The following PARVB variants were observed in gnomAD, a reference collection of about 807,000 sequenced individuals.
PARVB encodes the protein parvin beta, also known as beta-parvin.
In PARVB, 46 loss-of-function variants were observed where a neutral mutation model predicts 47.0. That is an observed-to-expected ratio of 0.98 (90% CI 0.77 to 1.25). The LOEUF (loss-of-function observed/expected upper bound fraction) is 1.25, where lower values mean the gene tolerates loss of function less well. PARVB is among the 50% of genes most tolerant of loss of function. The probability of loss-of-function intolerance (pLI) is 0.00; values close to 1 mark genes in which losing one functional copy is unlikely to be tolerated. For missense variants in PARVB, 473 were observed against 471.6 expected, an observed-to-expected ratio of 1.00 and a Z score of -0.03; for synonymous variants, 196 against 196.3, an observed-to-expected ratio of 1.00 and a Z score of 0.01.
intron 11 of PARVB, 48 bp downstream of exon 11, chr22:44,158,131 T>C: frequency 7.9e-7 from 1 of 1,268,042 alleles, no homozygotes; most frequent in Non-Finnish European, 1.2e-6. Context: ...AAATGCTCAT[T>C]GAAATGCAGA....
chr22:44,167,321 T>C (rs1390514862), intron 12 of PARVB, among the ~76,000 whole-genome samples: 1 of 152,186 alleles, frequency 6.6e-6, no homozygotes, highest in Non-Finnish European at 1.5e-5. Flanking sequence ...AGGTGATTCC[T>C]ATCCCTGGGC....
chr22:44,147,912 T>C lies in PARVB; in HGVS notation c.764T>C (p.Val255Ala), dbSNP rs1228857127. The C allele has an allele frequency of 6.2e-7, 1 of 1,613,766 alleles. No homozygotes were observed. The highest frequency in any genetic ancestry group is 8.5e-7 in the Non-Finnish European group (1 of 1,179,890). The change falls in exon 9 of 13, where the codon GTG becomes GCG. Residue 255 changes from valine (V) to alanine (A), a missense_variant. Coordinates refer to ENST00000338758, the MANE Select transcript of PARVB (RefSeq NM_013327.5). ...GACCACGCCCCGGATAAGCTCAGCG[T>C]GGTGAAGAAGGTGAGCTATTGGTGG... ...LFDHAPDKLS[V>A]VKKSLITFVN...
chr22:44,024,420 C>T lies in PARVB; in HGVS notation c.81C>T (p.Gly27=). 1 of 1,242,544 alleles carries T rather than the reference C, an allele frequency of 8.0e-7. No individual in the cohort carries two copies. The highest frequency in any genetic ancestry group is 1.0e-6 in the Non-Finnish European group (1 of 980,996). The allele number at this position is 1,242,544 out of a possible 1,614,324, so 77.0% of individuals were successfully genotyped here. A position where few individuals can be genotyped will look rare whatever the true frequency, so the allele number is the denominator to read the frequency against. The part of the protein sequence containing the change: ...KDESFLGKLG[G]TLARKRRARE... ...AGTCGTTCCTGGGCAAGCTGGGCGG[C>T]ACCCTGGCCAGGAAGCGGAGGGCGC... The change falls in exon 1 of 13, where the codon GGC becomes GGT. Residue 27 remains glycine (G), a synonymous_variant. Transcript: ENST00000338758.
At chr22:44,069,773 C>G (rs985120654) in intron 1 of PARVB, among the ~76,000 whole-genome samples, 1 of 152,168 alleles carries the variant, frequency 6.6e-6, no homozygotes, top group Non-Finnish European at 1.5e-5. Flanking sequence ...AGGTGATCCA[C>G]CCACCTCGGC....
Position 44,053,910 on chromosome 22 carries a change from C to A in PARVB, c.112+29459C>A, listed in dbSNP as rs75578751. 8.1e-3 allele frequency among the ~76,000 whole-genome samples: 1,223 copies of A among 150,658 alleles called. 16 individuals carry two copies. Among genetic ancestry groups the A allele is most frequent in the African/African-American group, 0.028 (1,160 of 40,928 alleles). Reference sequence around the variant, plus strand: ...GCCCTCTCTGGGCGTGCCACTTTGCCAAAACCAAGCATCCAGTCTCTGGAA... The same window carrying A: ...GCCCTCTCTGGGCGTGCCACTTTGCAAAAACCAAGCATCCAGTCTCTGGAA... On this transcript the variant is annotated intron_variant, in intron 1 of 12. Transcript: ENST00000338758.
chr22:44,131,870 GA>G (rs2053333266), intron 5 of PARVB, among the ~76,000 whole-genome samples: 1 of 152,202 alleles, frequency 6.6e-6, no homozygotes, highest in Non-Finnish European at 1.5e-5. Context: ...CCATGCTGCA[GA>G]GGAGAGAGGC....
rs763992931 is a variant in PARVB at position 44,132,935 on chromosome 22, G to A, written c.559G>A (p.Val187Ile). Reference protein sequence around the residue: ...KNLVAILHLLVSLAMHFRAPI... With the variant: ...KNLVAILHLLISLAMHFRAPI... ...CCTGGTGGCCATCCTCCACCTGCTG[G>A]TCTCTCTGGCCATGCACTTCAGGGC... The change falls in exon 6 of 13, where the codon GTC becomes ATC. Residue 187 changes from valine (V) to isoleucine (I), a missense_variant. By Grantham distance (29) the Val-to-Ile change is conservative. Transcript: ENST00000338758. 21 of 1,613,998 alleles carry A rather than the reference G, an allele frequency of 1.3e-5. No homozygotes were observed. Among genetic ancestry groups the A allele is most frequent in the Admixed American group, 3.3e-5 (2 of 60,006 alleles).
intron 9 of PARVB, chr22:44,151,162 C>T: frequency 4.0e-6 from 1 of 251,028 alleles, no homozygotes; most frequent in Admixed American, 4.8e-5. Context: ...ATGATCCTCC[C>T]CTGGCAGTTT....
At chr22:44,147,286 G>A (rs191324711) in intron 8 of PARVB, 5 of 218,902 alleles carry the variant, frequency 2.3e-5, no homozygotes, top group African/African-American at 6.7e-5. Flanking sequence ...GCAGTTGGAG[G>A]GTTTTAGTTG....
chr22:44,094,008 A>G lies in PARVB; in HGVS notation c.193A>G (p.Thr65Ala). The G allele has an allele frequency of 6.2e-7, 1 of 1,604,290 alleles. No individual in the cohort carries two copies. Among genetic ancestry groups the G allele is most frequent in the Non-Finnish European group, 8.5e-7 (1 of 1,171,356 alleles). Reference protein sequence around the residue: ...PALVDVHPEDTQLEENEERTM... With the variant: ...PALVDVHPEDAQLEENEERTM... ...CCTGGTGGATGTTCACCCTGAAGAC[A>G]CCCAGCTTGGTACGGGGGTTCCTCC... Residue 65 changes from threonine (T) to alanine (A), a missense_variant, in exon 2 of 13, where the codon ACC becomes GCC. Thr to Ala is a moderately conservative substitution (Grantham distance 58). Coordinates refer to ENST00000338758, the MANE Select transcript of PARVB (RefSeq NM_013327.5).
At chr22:44,081,509 TACATTGGGACGTTACCAGTC>T in intron 1 of PARVB, 1 of 605,454 alleles carries the variant, frequency 1.7e-6, no homozygotes. Context: ...CTTCCCTGGA[TACATTGGGACGTTACCAGTC>T]ACATTAATTA....
At chr22:44,058,097 T>C (rs1244153004) in intron 1 of PARVB, among the ~76,000 whole-genome samples, 1 of 152,000 alleles carries the variant, frequency 6.6e-6, no homozygotes, top group Admixed American at 6.6e-5. Flanking sequence ...ATTGAGATAA[T>C]ACAAAATCTG....
intron 3 of PARVB, chr22:44,105,937 T>G (rs996085580): frequency 6.6e-6 from 1 of 152,310 alleles, no homozygotes; most frequent in Admixed American, 6.5e-5. Context: ...CAAGTGAGTC[T>G]CCTGCCTCAG....
At chr22:44,112,127 G>A (rs1442987177) in intron 3 of PARVB, 1 of 152,228 alleles carries the variant, frequency 6.6e-6, no homozygotes, top group East Asian at 1.9e-4. Context: ...GAATTTAAAT[G>A]ACATGCTTTG....
chr22:44,022,619 A>C (rs932022704), upstream of PARVB, among the ~76,000 whole-genome samples: 2 of 151,326 alleles, frequency 1.3e-5, no homozygotes, highest in African/African-American at 2.4e-5. Flanking sequence ...AGACAGAAAA[A>C]CCATCTCAAC....
At chr22:44,016,263 A>AT (rs1357871238) in intron 2 of PARVB, among the ~76,000 whole-genome samples, 3 of 151,568 alleles carry the variant, frequency 2.0e-5, no homozygotes, top group Admixed American at 6.6e-5. Context: ...GGCCCAGCTA[A>AT]TTTTTTGTAT....
intron 1 of PARVB, among the ~76,000 whole-genome samples, chr22:44,065,576 C>T (rs1311496686): frequency 2.6e-5 from 4 of 152,092 alleles, no homozygotes; most frequent in African/African-American, 7.2e-5. Flanking sequence ...ACCCATCACC[C>T]GAGCAGTGTA....
At chr22:44,104,390 A>G (rs533019469) in intron 3 of PARVB, 1 of 152,434 alleles carries the variant, frequency 6.6e-6, no homozygotes, top group South Asian at 2.1e-4. Context: ...TAGTTACTGT[A>G]GTGGTGGCAC....
In PARVB at chr22:44,068,683, C is replaced by T. The variant is rs1027610992; in HGVS notation, c.113-25245C>T. Among the ~76,000 whole-genome samples the T allele has an allele frequency of 2.6e-5, 4 of 152,132 alleles. No homozygotes were observed. Among genetic ancestry groups the T allele is most frequent in the East Asian group, 1.9e-4 (1 of 5,180 alleles). ...TGCCCACAGTGGTGCCACCTCTTGC[C>T]GGGGGTCAGGCAGAGGAGACCCAGC... On this transcript the variant is annotated intron_variant, in intron 1 of 12. Coordinates refer to ENST00000338758, the MANE Select transcript of PARVB (RefSeq NM_013327.5). This position sits in a 1 kb window ranked among gnomAD's most constrained non-coding sequence, Gnocchi z 4.1.
Sources: gnomAD v4.1 joint callset for allele counts (sites outside exome capture counted in the v4.1 genomes callset) on GRCh38, gnomAD v4.1.1 for gene constraint, Gnocchi (gnomAD v3.1) non-coding constraint, MANE v1.5 for transcripts, NCBI Gene and HGNC (gene_info 2026-07-23, HGNC 2026-07-21) for gene names.